CDH22: variants seen among roughly 807,000 people sequenced by gnomAD.
CDH22 encodes cadherin 22.
A neutral mutation model predicts 58.4 loss-of-function variants in CDH22; 30 were observed. The ratio of observed to expected loss-of-function variants is 0.51; its 90% CI spans 0.38 to 0.70. CDH22 has a LOEUF of 0.70. Among genes scored for constraint, CDH22 ranks in the 30% least tolerant of loss-of-function variants. CDH22 has a pLI of 0.00. For synonymous variants in CDH22, 513 were observed against 558.2 expected (o/e 0.92, Z 1.14); for missense variants, 1,014 against 1,233.9 (o/e 0.82, Z 2.67).
At chr20:46,203,082 C>T in intron 7 of CDH22, among the ~76,000 whole-genome samples, 1 of 152,132 alleles carries the variant, frequency 6.6e-6, no homozygotes, top group East Asian at 1.9e-4. Flanking sequence ...TTTGTTCTTT[C>T]CTCGAGGGGA....
intron 8 of CDH22, among the ~76,000 whole-genome samples, chr20:46,189,362 AG>A (rs1298149891): frequency 3.9e-5 from 6 of 152,130 alleles, no homozygotes; most frequent in Non-Finnish European, 5.9e-5. Flanking sequence ...GCTTTTGGGA[AG>A]AGGGGGGTGA....
intron 4 of CDH22, among the ~76,000 whole-genome samples, chr20:46,224,543 C>T (rs544319049): frequency 2.6e-5 from 4 of 152,320 alleles, no homozygotes; most frequent in South Asian, 4.1e-4. Context: ...TCCCTGTTTT[C>T]GCTCATCTTA....
intron 8 of CDH22, among the ~76,000 whole-genome samples, chr20:46,188,476 G>A (rs562576324): frequency 6.6e-6 from 1 of 151,862 alleles, no homozygotes; most frequent in Admixed American, 6.5e-5. Context: ...CAAGGACTTC[G>A]CCAAGGTCTG....
chr20:46,260,647 G>GC lies in CDH22; in HGVS notation c.-399-8955dup, dbSNP rs200137436. On this transcript the variant is annotated intron_variant, in intron 1 of 11. Transcript: ENST00000537909. ...TGACCTTCCCTCTCACTGGGGAGTT[G>GC]CCAGCTGTGGGCATCACTGCTGCTG... is the stretch of plus-strand genomic sequence containing the variant. Among the ~76,000 whole-genome samples, 1,133 of 152,308 alleles carry GC rather than the reference G, an allele frequency of 7.4e-3. 18 individuals carry two copies. Among genetic ancestry groups the GC allele is most frequent in the Admixed American group, 0.026 (399 of 15,308 alleles).
At chr20:46,203,341 G>T (rs1445666844) in intron 7 of CDH22, among the ~76,000 whole-genome samples, 1 of 151,578 alleles carries the variant, frequency 6.6e-6, no homozygotes, top group Non-Finnish European at 1.5e-5. Flanking sequence ...GGGGTGGGGT[G>T]GGGGCGAAGC....
intron 1 of CDH22, among the ~76,000 whole-genome samples, chr20:46,266,091 C>G (rs1006117017): frequency 2.0e-5 from 3 of 152,290 alleles, no homozygotes; most frequent in Non-Finnish European, 4.4e-5. Context: ...GAGGGAGGCT[C>G]TCTGTGGACC....
At chr20:46,223,296 G>A (rs1205436857) in intron 4 of CDH22, among the ~76,000 whole-genome samples, 2 of 152,058 alleles carry the variant, frequency 1.3e-5, no homozygotes, top group Admixed American at 6.6e-5. Context: ...CCCACTCTCT[G>A]ATCCTTCATC....
chr20:46,174,489 G>T lies in CDH22; in HGVS notation c.*17C>A. ...CTGGGCGGGTGAGCAGCCGCGCCCC[G>T]ACGGCAGGGCGAGGGGCTAGGAGGC... On this transcript the variant is annotated 3_prime_UTR_variant, in exon 12 of 12. Coordinates refer to ENST00000537909, the MANE Select transcript of CDH22 (RefSeq NM_021248.3). The surrounding 1 kb of genome is among the most constrained non-coding windows in gnomAD (Gnocchi z 4.4). 1 of 1,454,328 alleles carries T rather than the reference G, an allele frequency of 6.9e-7. No individual in the cohort carries two copies. The highest frequency in any genetic ancestry group is 9.0e-7 in the Non-Finnish European group (1 of 1,110,030). 90.1% of individuals were successfully genotyped at this position (1,454,328 alleles called of 1,614,324 possible).
At chr20:46,196,204 T>G (rs1438081972) in intron 8 of CDH22, among the ~76,000 whole-genome samples, 1 of 152,146 alleles carries the variant, frequency 6.6e-6, no homozygotes, top group Non-Finnish European at 1.5e-5. Context: ...TTTCCTCATC[T>G]GTAAAATGGG....
chr20:46,208,754 C>T (rs376819067), intron 7 of CDH22, among the ~76,000 whole-genome samples: 34 of 152,226 alleles, frequency 2.2e-4, no homozygotes, highest in South Asian at 6.2e-4. Context: ...CTACCACACC[C>T]GGCTAATTTT....
intron 7 of CDH22, among the ~76,000 whole-genome samples, chr20:46,208,968 A>C (rs575462901): frequency 6.6e-6 from 1 of 152,238 alleles, no homozygotes; most frequent in Non-Finnish European, 1.5e-5. Context: ...GCTAGGCCCT[A>C]TGGGTATAGT....
intron 1 of CDH22, among the ~76,000 whole-genome samples, chr20:46,282,612 C>T (rs1001671142): frequency 2.0e-5 from 3 of 152,008 alleles, no homozygotes; most frequent in Non-Finnish European, 4.4e-5. Context: ...AAATGCAGTG[C>T]GAATTGGGTT....
At chr20:46,229,007 A>G (rs1369156014) in intron 3 of CDH22, among the ~76,000 whole-genome samples, 1 of 151,940 alleles carries the variant, frequency 6.6e-6, no homozygotes, top group Non-Finnish European at 1.5e-5. Flanking sequence ...CCTCCCAGCC[A>G]CAGTCTCCTA....
intron 1 of CDH22, among the ~76,000 whole-genome samples, chr20:46,258,006 A>C (rs1213588634): frequency 6.6e-6 from 1 of 152,186 alleles, no homozygotes; most frequent in Non-Finnish European, 1.5e-5. Context: ...TGTCTGTCCA[A>C]CTTTGCCTGG....
chr20:46,295,652 A>G (rs1318500677), intron 1 of CDH22, among the ~76,000 whole-genome samples: 1 of 152,244 alleles, frequency 6.6e-6, no homozygotes, highest in Non-Finnish European at 1.5e-5. Context: ...ATCCAAGTCC[A>G]GCTTCCAGAA....
intron 4 of CDH22, among the ~76,000 whole-genome samples, chr20:46,226,769 G>A (rs1021578704): frequency 1.3e-5 from 2 of 152,160 alleles, no homozygotes; most frequent in Non-Finnish European, 2.9e-5. Context: ...CCTATCCCAG[G>A]AGCAGTGAGA....
intron 1 of CDH22, among the ~76,000 whole-genome samples, chr20:46,290,704 A>G (rs1422503764): frequency 6.6e-6 from 1 of 151,982 alleles, no homozygotes; most frequent in Non-Finnish European, 1.5e-5. Flanking sequence ...TAGGGTGGAG[A>G]TGGGGAGGGA....
At chr20:46,221,777 T>C (rs1373521548) in intron 4 of CDH22, among the ~76,000 whole-genome samples, 1 of 152,196 alleles carries the variant, frequency 6.6e-6, no homozygotes. Context: ...ACTGTCTTCC[T>C]CCTGATGTTG....
At chr20:46,307,270 G>T (rs967577560) in intron 1 of CDH22, among the ~76,000 whole-genome samples, 1 of 152,204 alleles carries the variant, frequency 6.6e-6, no homozygotes, top group South Asian at 2.1e-4. Context: ...GGGGATCCTG[G>T]ATCAGCCCTA....
Sources: allele counts gnomAD v4.1 joint callset (sites outside exome capture counted in the v4.1 genomes callset), GRCh38; gene constraint gnomAD v4.1.1; non-coding constraint Gnocchi (gnomAD v3.1); transcripts MANE v1.5; gene names NCBI Gene and HGNC (gene_info 2026-07-23, HGNC 2026-07-21).